Variants in IP6K2 observed in about 807,000 individuals in gnomAD.
The protein encoded by IP6K2 is inositol hexakisphosphate kinase 2.
IP6K2 carries 9 observed loss-of-function variants against 43.3 expected under a neutral mutation model. The observed-to-expected ratio is 0.21, with a 90% CI of 0.13 to 0.36. The LOEUF (loss-of-function observed/expected upper bound fraction) is 0.36, where lower values mean the gene tolerates loss of function less well. Ranked by LOEUF, IP6K2 falls within the 10% of genes least tolerant of loss-of-function variation. The pLI, the probability that IP6K2 is intolerant of heterozygous loss-of-function variation, is 1.00. For missense variants in IP6K2, 332 were observed against 538.4 expected, an observed-to-expected ratio of 0.62 and a Z score of 3.79; for synonymous variants, 209 against 202.4, an observed-to-expected ratio of 1.03 and a Z score of -0.28.
chr3:48,704,964 C>T (rs1300570181), intron 1 of IP6K2, among the ~76,000 whole-genome samples: 5 of 150,232 alleles, frequency 3.3e-5, no homozygotes, highest in South Asian at 2.1e-4. Flanking sequence ...TTTTTTGAGA[C>T]GGAGTCTCAC....
Position 48,688,909 on chromosome 3 carries a change from A to G in IP6K2, c.781-136T>C, listed in dbSNP as rs2077543038. 1.1e-6 allele frequency: 1 copy of G among 927,284 alleles called. No individual in the cohort carries two copies. The highest frequency in any genetic ancestry group is 1.6e-6 in the Non-Finnish European group (1 of 628,174). 57.4% of individuals were successfully genotyped at this position (927,284 alleles called of 1,614,324 possible). The stretch of plus-strand genomic sequence containing the variant: ...AAAGTACACCAGTTGCACATGAGCC[A>G]CTGTCCACTATGCTCTCTGATCAGC... On this transcript the variant is annotated intron_variant, in intron 5 of 5. Transcript: ENST00000328631. The surrounding 1 kb of genome is among the most constrained non-coding windows in gnomAD (Gnocchi z 5.1).
rs118009940 is a variant in IP6K2 at position 48,698,459 on chromosome 3, C to T, written c.-130-3038G>A. On this transcript the variant is annotated intron_variant, in intron 1 of 5. Coordinates refer to ENST00000328631, the MANE Select transcript of IP6K2 (RefSeq NM_016291.4). Reference sequence around the variant, plus strand: ...TAGGAGTTGACAACATAGTAAGCCCCATCTCTACAATTTTTTTGTTTTTTA... The same window carrying T: ...TAGGAGTTGACAACATAGTAAGCCCTATCTCTACAATTTTTTTGTTTTTTA... Among the ~76,000 whole-genome samples, 50 of 152,120 alleles carry T rather than the reference C, an allele frequency of 3.3e-4. 1 individual carries two copies. The East Asian group carries it at 9.5e-3, about 29-fold the overall frequency.
intron 1 of IP6K2, among the ~76,000 whole-genome samples, chr3:48,700,795 GC>G (rs1384688317): frequency 1.3e-4 from 20 of 152,222 alleles, no homozygotes; most frequent in Middle Eastern, 3.4e-3. Flanking sequence ...CTTAAGAAAA[GC>G]CCCAGGGTCA....
chr3:48,695,299 G>C lies in IP6K2; in HGVS notation c.-8C>G. ...CCTGAAGGCTGGGCTCATCCTCCGG[G>C]CGCAGATGGCGGGGAGATGGGGGAG... On this transcript the variant is annotated 5_prime_UTR_variant, in exon 2 of 6. Transcript: ENST00000328631. The surrounding 1 kb of genome is among the most constrained non-coding windows in gnomAD (Gnocchi z 4.6). 1.3e-6 allele frequency: 2 copies of C among 1,599,032 alleles called. No homozygotes were observed. Among genetic ancestry groups the C allele is most frequent in the Non-Finnish European group, 1.7e-6 (2 of 1,170,012 alleles).
chr3:48,710,634 G>A (rs898866453), intron 1 of IP6K2, among the ~76,000 whole-genome samples: 1 of 151,958 alleles, frequency 6.6e-6, no homozygotes, highest in African/African-American at 2.4e-5. Flanking sequence ...TTTTGAGACG[G>A]AGTCTCACTC....
intron 2 of IP6K2, chr3:48,693,869 G>A (rs779784271): frequency 1.6e-4 from 187 of 1,191,112 alleles, no homozygotes; most frequent in Admixed American, 2.5e-4. Flanking sequence ...ACAGACATGT[G>A]GTGGCCTTGA....
intron 4 of IP6K2, among the ~76,000 whole-genome samples, chr3:48,690,498 G>A (rs929164717): frequency 7.2e-5 from 11 of 152,056 alleles, no homozygotes; most frequent in Non-Finnish European, 1.3e-4. Flanking sequence ...GGAGGGGCAG[G>A]GAGGAAGAGG....
chr3:48,694,292 C>A (rs2078065512), intron 2 of IP6K2: 1 of 1,551,398 alleles, frequency 6.4e-7, no homozygotes, highest in South Asian at 1.2e-5. Context: ...ACTCCCCCAT[C>A]CCCACCGCAA....
At chr3:48,711,556 G>T (rs12497850) in intron 1 of IP6K2, 96,136 of 151,970 alleles carry the variant, frequency 0.63, 31,340 homozygotes, top group East Asian at 0.96. Flanking sequence ...AATCAACTGG[G>T]CTCTCTCTCC....
chr3:48,694,015 TCCCAGGCC>T, intron 2 of IP6K2: 18 of 1,397,046 alleles, frequency 1.3e-5, no homozygotes, highest in South Asian at 8.4e-5. Flanking sequence ...ACACCTTTCC[TCCCAGGCC>T]TCTCTGCCCC....
intron 1 of IP6K2, chr3:48,715,237 G>A: frequency 6.9e-7 from 1 of 1,442,582 alleles, no homozygotes; most frequent in Non-Finnish European, 9.4e-7. Context: ...TATCCCACTA[G>A]GTGAAATAAC....
rs1045442818 is a variant in IP6K2, at chr3:48,708,035, G to A, written c.-131+9122C>T. 2.0e-5 allele frequency: 3 copies of A among 151,958 alleles called. No homozygotes were observed. In the East Asian group the frequency reaches 5.8e-4, roughly 29 times the overall value. 9.4% of individuals were successfully genotyped at this position (151,958 alleles called of 1,614,324 possible). ...ACTTTCAGTCTACCGAGAAATATGT[G>A]TATCACCAGCCTGGGCAAGATGGGG... is the stretch of plus-strand genomic sequence containing the variant. On this transcript the variant is annotated intron_variant, in intron 1 of 5. Coordinates refer to ENST00000328631, the MANE Select transcript of IP6K2 (RefSeq NM_016291.4).
chr3:48,711,720 A>G (rs1054399255), intron 1 of IP6K2, among the ~76,000 whole-genome samples: 2 of 152,232 alleles, frequency 1.3e-5, no homozygotes, highest in Non-Finnish European at 2.9e-5. Context: ...AGCAACGTGC[A>G]AAAAGATGGT....
intron 1 of IP6K2, chr3:48,708,366 A>T (rs2080069055): frequency 1.3e-5 from 2 of 152,154 alleles, no homozygotes; most frequent in African/African-American, 4.8e-5. Flanking sequence ...ACAATGATTG[A>T]TTCTAAGGTC....
intron 1 of IP6K2, among the ~76,000 whole-genome samples, chr3:48,712,795 T>C (rs1395185092): frequency 6.6e-6 from 1 of 151,904 alleles, no homozygotes; most frequent in Non-Finnish European, 1.5e-5. Flanking sequence ...AGTGGGCGGA[T>C]CACTTGAGGT....
intron 1 of IP6K2, among the ~76,000 whole-genome samples, chr3:48,707,449 T>TTTGA (rs1294526792): frequency 6.6e-6 from 1 of 152,152 alleles, no homozygotes; most frequent in African/African-American, 2.4e-5. Context: ...TATTTTATCT[T>TTTGA]TTGAGATGGA....
chr3:48,694,138 G>C (rs2078041762), intron 2 of IP6K2: 15 of 1,534,516 alleles, frequency 9.8e-6, no homozygotes, highest in Non-Finnish European at 1.3e-5. Flanking sequence ...AGAGGAGCCG[G>C]GGTGGGGTAT....
chr3:48,693,298 G>T, intron 2 of IP6K2, 119 bp from the exon 3 acceptor site: 1 of 1,111,344 alleles, frequency 9.0e-7, no homozygotes, highest in Non-Finnish European at 1.4e-6. Context: ...TGTTGCCAGA[G>T]GCCCCAAACT....
chr3:48,692,956 C>G lies in IP6K2; in HGVS notation c.426G>C (p.Lys142Asn). 6.2e-7 allele frequency: 1 copy of G among 1,610,570 alleles called. No individual in the cohort carries two copies. Among genetic ancestry groups the G allele is most frequent in the East Asian group, 2.2e-5 (1 of 44,882 alleles). ...VRQHRKEEKM[K>N]SHKLEEEFEW... ...AGTTGCCCTCTGTCTACACTCACCT[C>G]TTCATTTTCTCCTCTTTACGGTGCT... The change falls in exon 3 of 6, where the codon AAG (lysine) becomes AAC (asparagine). Residue 142 changes from lysine to asparagine, a missense_variant and splice_region_variant. Physicochemically the swap from Lys to Asn is moderately conservative, Grantham distance 94 (BLOSUM62 0). Coordinates refer to ENST00000328631, the MANE Select transcript of IP6K2 (RefSeq NM_016291.4).
Sources: allele counts gnomAD v4.1 joint callset (sites outside exome capture counted in the v4.1 genomes callset), GRCh38; gene constraint gnomAD v4.1.1; non-coding constraint Gnocchi (gnomAD v3.1); transcripts MANE v1.5; gene names NCBI Gene and HGNC (gene_info 2026-07-23, HGNC 2026-07-21).